Variants in PEMT observed in about 807,000 individuals in gnomAD.
The protein encoded by PEMT is phosphatidylethanolamine N-methyltransferase, also known as phospholipid methyltransferase.
In PEMT, 23 loss-of-function variants were observed where a neutral mutation model predicts 27.4. That is an observed-to-expected ratio of 0.84 (90% CI 0.60 to 1.19). The LOEUF is 1.19. Ranked by LOEUF, PEMT falls within the 50% of genes most tolerant of loss-of-function variation. PEMT has a pLI of 0.00. For synonymous variants in PEMT, 137 were observed against 139.1 expected, an observed-to-expected ratio of 0.98 and a Z score of 0.11; for missense variants, 307 against 310.1, an observed-to-expected ratio of 0.99 and a Z score of 0.07.
chr17:17,549,943 G>A (rs574976420), intron 2 of PEMT, among the ~76,000 whole-genome samples: 4 of 152,342 alleles, frequency 2.6e-5, no homozygotes, highest in South Asian at 4.1e-4. Context: ...GGTGGGCAGC[G>A]TGGGCGCAGG....
intron 2 of PEMT, among the ~76,000 whole-genome samples, chr17:17,549,614 G>T (rs113662375): frequency 6.6e-6 from 1 of 152,200 alleles, no homozygotes; most frequent in Non-Finnish European, 1.5e-5. Context: ...CCAGCCAACC[G>T]TGGCATTTTT....
chr17:17,553,374 T>C (rs1909802331), intron 2 of PEMT, among the ~76,000 whole-genome samples: 1 of 152,178 alleles, frequency 6.6e-6, no homozygotes, highest in African/African-American at 2.4e-5. Context: ...CTGTCCTCCC[T>C]GTAACTATCC....
intron 2 of PEMT, among the ~76,000 whole-genome samples, chr17:17,559,900 G>A (rs761553455): frequency 3.3e-5 from 5 of 152,218 alleles, no homozygotes; most frequent in Non-Finnish European, 5.9e-5. Flanking sequence ...GAGTGGCCCG[G>A]TGCTCTTCCT....
intron 2 of PEMT, among the ~76,000 whole-genome samples, chr17:17,573,932 C>T (rs1324849747): frequency 6.6e-6 from 1 of 152,082 alleles, no homozygotes; most frequent in Non-Finnish European, 1.5e-5. Context: ...CAGGTGCACA[C>T]CACCACACAC....
intron 2 of PEMT, among the ~76,000 whole-genome samples, chr17:17,529,742 C>A (rs907823354): frequency 6.6e-6 from 1 of 152,202 alleles, no homozygotes; most frequent in African/African-American, 2.4e-5. Context: ...TCCATTATGA[C>A]GGCCCACAGA....
At chr17:17,584,560 G>T (rs1238171659) in intron 1 of PEMT, among the ~76,000 whole-genome samples, 2 of 152,090 alleles carry the variant, frequency 1.3e-5, no homozygotes, top group Non-Finnish European at 2.9e-5. Flanking sequence ...TCCCACCTCG[G>T]CCTCCTCCCA....
At chr17:17,559,018 C>T (rs1462947290) in intron 2 of PEMT, among the ~76,000 whole-genome samples, 1 of 152,186 alleles carries the variant, frequency 6.6e-6, no homozygotes. Context: ...GCCATGGTTG[C>T]AGAAACCTTC....
chr17:17,574,282 C>G (rs1459210451), intron 2 of PEMT, among the ~76,000 whole-genome samples: 3 of 138,008 alleles, frequency 2.2e-5, no homozygotes, highest in African/African-American at 8.1e-5. Flanking sequence ...GCCAAACACA[C>G]AGACACATGC....
At chr17:17,538,839 G>A (rs1908678970) in intron 2 of PEMT, among the ~76,000 whole-genome samples, 1 of 152,118 alleles carries the variant, frequency 6.6e-6, no homozygotes, top group Admixed American at 6.6e-5. Context: ...AGCCTGCCTC[G>A]GAAAGGAAAT....
intron 1 of PEMT, among the ~76,000 whole-genome samples, chr17:17,586,374 G>A (rs1159240554): frequency 1.3e-5 from 2 of 151,694 alleles, no homozygotes; most frequent in Non-Finnish European, 2.9e-5. Flanking sequence ...CACAGCACAT[G>A]GCAGCCTTGG....
At chr17:17,516,480 A>AGCAGGAGGG (rs1407575367) in intron 3 of PEMT, among the ~76,000 whole-genome samples, 1 of 152,184 alleles carries the variant, frequency 6.6e-6, no homozygotes, top group Non-Finnish European at 1.5e-5. Flanking sequence ...GATGGTAGAA[A>AGCAGGAGGG]GCAGGAGGGG....
At chr17:17,564,740 C>G (rs541032985) in intron 2 of PEMT, among the ~76,000 whole-genome samples, 1 of 152,194 alleles carries the variant, frequency 6.6e-6, no homozygotes, top group African/African-American at 2.4e-5. Flanking sequence ...CAGCTGCCAA[C>G]GCTGTCCTCA....
chr17:17,529,546 C>A (rs1409243469), intron 2 of PEMT, among the ~76,000 whole-genome samples: 1 of 152,202 alleles, frequency 6.6e-6, no homozygotes, highest in African/African-American at 2.4e-5. Context: ...GCAGTGAGCA[C>A]ACTAGTGCCA....
intron 3 of PEMT, among the ~76,000 whole-genome samples, chr17:17,521,718 C>A (rs761852441): frequency 1.3e-5 from 2 of 152,196 alleles, no homozygotes; most frequent in Non-Finnish European, 2.9e-5. Context: ...GCGCATGCAC[C>A]ACCATGCCCG....
chr17:17,552,135 G>C (rs1182553756), intron 2 of PEMT, among the ~76,000 whole-genome samples: 6 of 152,032 alleles, frequency 3.9e-5, no homozygotes, highest in Non-Finnish European at 7.4e-5. Context: ...CTGGGAGGTG[G>C]AGGTTGTCTC....
chr17:17,519,960 TCTC>T (rs1461634717), intron 3 of PEMT, among the ~76,000 whole-genome samples: 3 of 152,184 alleles, frequency 2.0e-5, no homozygotes, highest in East Asian at 1.9e-4. Context: ...GCAGCCCACT[TCTC>T]CTGCTTTGTG....
In PEMT at chr17:17,515,364, C is replaced by T. The variant is rs369447198; in HGVS notation, c.321-2710G>A. On this transcript the variant is annotated intron_variant, in intron 3 of 6. Transcript: ENST00000255389. ...GCAGATTCCTGATGAAGGGCAGATCCGGGGCCAGGGAGCGGGTGGGAGAGG... is the reference window on the plus strand; with the variant it reads ...GCAGATTCCTGATGAAGGGCAGATCTGGGGCCAGGGAGCGGGTGGGAGAGG... Among the ~76,000 whole-genome samples the T allele has an allele frequency of 1.3e-4, 20 of 152,320 alleles. No individual in the cohort carries two copies. The East Asian group carries it at 2.1e-3, about 16-fold the overall frequency.
At chr17:17,550,925 A>G (rs574928235) in intron 2 of PEMT, among the ~76,000 whole-genome samples, 105 of 152,346 alleles carry the variant, frequency 6.9e-4, no homozygotes, top group African/African-American at 2.3e-3. Flanking sequence ...TCAACTTTTT[A>G]TCATCAACGT....
intron 2 of PEMT, among the ~76,000 whole-genome samples, chr17:17,550,175 C>A (rs532486053): frequency 6.6e-6 from 1 of 152,350 alleles, no homozygotes; most frequent in East Asian, 1.9e-4. Context: ...CACCACCCCC[C>A]TCTGGAACGT....
Sources: allele counts gnomAD v4.1 joint callset (sites outside exome capture counted in the v4.1 genomes callset), GRCh38; gene constraint gnomAD v4.1.1; transcripts MANE v1.5; gene names NCBI Gene and HGNC (gene_info 2026-07-23, HGNC 2026-07-21).